Variants in UNC13B observed in about 807,000 individuals in gnomAD.
UNC13B encodes unc-13 homolog B, also known as protein unc-13 homolog B.
A neutral mutation model predicts 211.0 loss-of-function variants in UNC13B; 144 were observed. The ratio of observed to expected loss-of-function variants is 0.68; its 90% CI spans 0.60 to 0.78. UNC13B has a LOEUF of 0.78. Among genes scored for constraint, UNC13B ranks in the 30% least tolerant of loss-of-function variants. The pLI is 0.00. For synonymous variants in UNC13B, 709 were observed against 725.8 expected, an observed-to-expected ratio of 0.98 and a Z score of 0.37; for missense variants, 1,777 against 2,002.0, an observed-to-expected ratio of 0.89 and a Z score of 2.14.
At position 35,385,712 on chromosome 9, in the gene UNC13B, G is replaced by C. The variant is rs184788916; in HGVS notation, c.10876-12G>C. On this transcript the variant is annotated splice_polypyrimidine_tract_variant and intron_variant, in intron 22 of 39. Transcript: ENST00000635942. Reference sequence around the variant, plus strand: ...CTCTGTTCCTTTCTTACATTTGCTTGATTTGCAACAGAATAATTTCCCTGC... The same window carrying C: ...CTCTGTTCCTTTCTTACATTTGCTTCATTTGCAACAGAATAATTTCCCTGC... 6.3e-7 allele frequency: 1 copy of C among 1,590,416 alleles called. No individual in the cohort carries two copies. The highest frequency in any genetic ancestry group is 8.6e-7 in the Non-Finnish European group (1 of 1,162,508).
intron 7 of UNC13B, among the ~76,000 whole-genome samples, chr9:35,293,769 T>C (rs930160612): frequency 1.3e-5 from 2 of 152,248 alleles, no homozygotes; most frequent in African/African-American, 4.8e-5. Flanking sequence ...TGTTTGCTTT[T>C]GTTTTCAAGC....
At chr9:35,280,716 A>G (rs927327202) in intron 7 of UNC13B, among the ~76,000 whole-genome samples, 1 of 152,202 alleles carries the variant, frequency 6.6e-6, no homozygotes, top group African/African-American at 2.4e-5. Context: ...GCTGATAAAA[A>G]TAATGTTAAT....
intron 5 of UNC13B, among the ~76,000 whole-genome samples, chr9:35,241,390 A>G (rs1825798167): frequency 6.6e-6 from 1 of 152,008 alleles, no homozygotes; most frequent in South Asian, 2.1e-4. Context: ...ATCTCTCTGT[A>G]TTTTTTTCTT....
chr9:35,319,649 TA>T (rs1232651284), intron 11 of UNC13B, among the ~76,000 whole-genome samples: 1 of 151,944 alleles, frequency 6.6e-6, no homozygotes, highest in Non-Finnish European at 1.5e-5. Flanking sequence ...ACTCATTTTT[TA>T]AAACTTTTTT....
intron 2 of UNC13B, among the ~76,000 whole-genome samples, chr9:35,229,301 A>G (rs180700950): frequency 2.4e-4 from 36 of 152,320 alleles, no homozygotes; most frequent in Non-Finnish European, 8.8e-5. Flanking sequence ...TGGGTGCAAC[A>G]GTAATGAAAG....
intron 11 of UNC13B, among the ~76,000 whole-genome samples, chr9:35,314,801 G>GTATATA (rs58978538): frequency 4.4e-4 from 63 of 143,744 alleles, no homozygotes; most frequent in South Asian, 9.0e-4. Flanking sequence ...CCCATGGTGT[G>GTATATA]TATATATATA....
intron 25 of UNC13B, among the ~76,000 whole-genome samples, chr9:35,390,190 G>A (rs1326298440): frequency 2.0e-5 from 3 of 152,196 alleles, no homozygotes; most frequent in Non-Finnish European, 4.4e-5. Context: ...CAGCTTCCCT[G>A]GAGTGAGAGA....
chr9:35,342,110 GAGCCAGC>G, intron 11 of UNC13B: 1 of 985,388 alleles, frequency 1.0e-6, no homozygotes, highest in East Asian at 1.1e-4. Context: ...TTGTGCCGTG[GAGCCAGC>G]CAGCTGGGTG....
intron 1 of UNC13B, among the ~76,000 whole-genome samples, chr9:35,208,200 A>G (rs1823772167): frequency 6.6e-6 from 1 of 152,112 alleles, no homozygotes. Flanking sequence ...TTTGTTCCTT[A>G]TTCTGTAGAC....
At chr9:35,346,896 A>G (rs1441645099) in intron 11 of UNC13B, among the ~76,000 whole-genome samples, 1 of 148,016 alleles carries the variant, frequency 6.8e-6, no homozygotes, top group Admixed American at 6.7e-5. Flanking sequence ...TCCATTCCCA[A>G]CCCCTGAATT....
At chr9:35,221,396 A>G (rs943349179) in intron 1 of UNC13B, among the ~76,000 whole-genome samples, 2 of 152,156 alleles carry the variant, frequency 1.3e-5, no homozygotes, top group Non-Finnish European at 2.9e-5. Context: ...ACAAATATCT[A>G]TTCAGGTCTT....
At chr9:35,338,157 T>C in intron 11 of UNC13B, among the ~76,000 whole-genome samples, 1 of 152,164 alleles carries the variant, frequency 6.6e-6, no homozygotes, top group Non-Finnish European at 1.5e-5. Context: ...TGATCATGAA[T>C]TGTTAATTAT....
At chr9:35,199,256 G>T (rs924752285) in intron 1 of UNC13B, among the ~76,000 whole-genome samples, 3 of 152,154 alleles carry the variant, frequency 2.0e-5, no homozygotes, top group Non-Finnish European at 4.4e-5. Context: ...TGGACATTTA[G>T]GTTGGTTGCA....
At chr9:35,195,391 T>A (rs1822881723) in intron 1 of UNC13B, among the ~76,000 whole-genome samples, 1 of 152,214 alleles carries the variant, frequency 6.6e-6, no homozygotes, top group African/African-American at 2.4e-5. Context: ...ACTTAACATG[T>A]ATCAACTTTT....
intron 37 of UNC13B, among the ~76,000 whole-genome samples, chr9:35,400,943 G>A (rs1836257012): frequency 1.3e-5 from 2 of 151,916 alleles, no homozygotes; most frequent in Non-Finnish European, 2.9e-5. Flanking sequence ...CTGGGGCCCT[G>A]TGCACAGCTG....
At chr9:35,199,382 G>C (rs377418609) in intron 1 of UNC13B, among the ~76,000 whole-genome samples, 1 of 152,096 alleles carries the variant, frequency 6.6e-6, no homozygotes, top group East Asian at 1.9e-4. Context: ...TGAGTCAAAT[G>C]GTATTTCTAG....
chr9:35,274,332 C>T (rs113378373), intron 7 of UNC13B, among the ~76,000 whole-genome samples: 4 of 152,234 alleles, frequency 2.6e-5, no homozygotes, highest in African/African-American at 9.6e-5. Context: ...CTTAGCCTCC[C>T]AAACTGCTGT....
At chr9:35,199,723 G>C (rs1483558842) in intron 1 of UNC13B, among the ~76,000 whole-genome samples, 1 of 152,148 alleles carries the variant, frequency 6.6e-6, no homozygotes, top group East Asian at 1.9e-4. Context: ...TAGGTTCTTT[G>C]TAGATTCTGG....
At chr9:35,199,529 G>A (rs374493284) in intron 1 of UNC13B, among the ~76,000 whole-genome samples, 2 of 152,120 alleles carry the variant, frequency 1.3e-5, no homozygotes, top group East Asian at 3.8e-4. Context: ...TTTAATGATT[G>A]CCATTCTAAC....
Sources: allele counts gnomAD v4.1 joint callset (sites outside exome capture counted in the v4.1 genomes callset), GRCh38; gene constraint gnomAD v4.1.1; transcripts MANE v1.5; gene names NCBI Gene and HGNC (gene_info 2026-07-23, HGNC 2026-07-21).